The following TMTC1 variants were observed in gnomAD, a reference collection of about 807,000 sequenced individuals.
TMTC1 encodes transmembrane O-mannosyltransferase targeting cadherins 1, also known as protein O-mannosyl-transferase TMTC1.
A neutral mutation model predicts 104.8 loss-of-function variants in TMTC1; 73 were observed. That is an observed-to-expected ratio of 0.70 (90% confidence interval 0.58 to 0.85). The LOEUF (loss-of-function observed/expected upper bound fraction) is 0.85. Ranked by LOEUF, TMTC1 falls within the 40% of genes least tolerant of loss-of-function variation. The pLI is 0.00. For synonymous variants in TMTC1, 434 were observed against 428.7 expected (o/e 1.01, Z -0.15); for missense variants, 1,035 against 1,096.1 (o/e 0.94, Z 0.79).
chr12:29,611,177 C>CTT lies in TMTC1; in HGVS notation c.1129-6880_1129-6879dup, dbSNP rs1555176122. ...ATTTCTGGTCTTTGGTTCTGAACTT[C>CTT]TTTTTTTTTTTTTTTTTGCACAGAG... On this transcript the variant is annotated intron_variant, in intron 6 of 17. Transcript: ENST00000539277. 1.3e-3 allele frequency among the ~76,000 whole-genome samples: 175 copies of CTT among 130,160 alleles called. 2 individuals are homozygous for CTT. The South Asian group carries it at 0.026, about 20-fold the overall frequency. 85.4% of individuals were successfully genotyped at this position (130,160 alleles called of 152,430 possible). A position where few individuals can be genotyped will look rare whatever the true frequency, so the allele number is the denominator to read the frequency against.
At chr12:29,742,998 C>T (rs551530038) in intron 5 of TMTC1, among the ~76,000 whole-genome samples, 4 of 152,284 alleles carry the variant, frequency 2.6e-5, no homozygotes, top group South Asian at 2.1e-4. Flanking sequence ...CATTGGCTTT[C>T]GCATAAAATA....
At chr12:29,759,327 G>A (rs1285128678) in intron 2 of TMTC1, among the ~76,000 whole-genome samples, 1 of 132,630 alleles carries the variant, frequency 7.5e-6, no homozygotes, top group Non-Finnish European at 1.7e-5. Flanking sequence ...AAAACCCTGT[G>A]TCTACAAAAA....
At position 29,738,241 on chromosome 12, in the gene TMTC1, C is replaced by T. The variant is rs560356371; in HGVS notation, c.938+13425G>A. Among the ~76,000 whole-genome samples, 20 of 152,264 alleles carry T rather than the reference C, an allele frequency of 1.3e-4. No homozygotes were observed. In the South Asian group the frequency reaches 2.5e-3, roughly 19 times the overall value. ...AACCCATTTTATGTGACTCCAGAAT[C>T]CATGTACCTAATCCCTGAGCACGCC... is the stretch of plus-strand genomic sequence containing the variant. On this transcript the variant is annotated intron_variant, in intron 5 of 17. Transcript: ENST00000539277.
intron 5 of TMTC1, among the ~76,000 whole-genome samples, chr12:29,691,867 T>C (rs1216519184): frequency 1.4e-5 from 2 of 144,996 alleles, no homozygotes; most frequent in Non-Finnish European, 3.0e-5. Flanking sequence ...GAGGCTCCAA[T>C]GGAGCTACTG....
intron 6 of TMTC1, among the ~76,000 whole-genome samples, chr12:29,623,528 A>G (rs1937788888): frequency 1.3e-5 from 2 of 152,196 alleles, no homozygotes; most frequent in African/African-American, 2.4e-5. Context: ...AATATTAGTA[A>G]AAGAGGCCAG....
chr12:29,725,014 CTTTTTTTTTT>C (rs869135481), intron 5 of TMTC1, among the ~76,000 whole-genome samples: 1 of 90,402 alleles, frequency 1.1e-5, no homozygotes, highest in African/African-American at 4.8e-5. Context: ...CTGCCAAGTT[CTTTTTTTTTT>C]TTTTTTTTTT....
Position 29,692,020 on chromosome 12 carries a change from C to T in TMTC1, c.939-58684G>A, listed in dbSNP as rs1460667150. On this transcript the variant is annotated intron_variant, in intron 5 of 17. Coordinates refer to ENST00000539277, the MANE Select transcript of TMTC1 (RefSeq NM_001193451.2). ...TAATTAATAATAAAAGCACTCTCAG[C>T]TCATGAGCACATTGTGATATAAATG... 1.4e-5 allele frequency among the ~76,000 whole-genome samples: 2 copies of T among 145,144 alleles called. 1 individual carries two copies. Among genetic ancestry groups the T allele is most frequent in the African/African-American group, 5.0e-5 (2 of 39,672 alleles).
chr12:29,646,416 C>T (rs1939270442), intron 5 of TMTC1, among the ~76,000 whole-genome samples: 1 of 151,836 alleles, frequency 6.6e-6, no homozygotes, highest in Admixed American at 6.6e-5. Flanking sequence ...AGAAGTGTTC[C>T]TTTAACTTTC....
chr12:29,770,997 A>G (rs922090032), intron 1 of TMTC1, among the ~76,000 whole-genome samples: 1 of 152,186 alleles, frequency 6.6e-6, no homozygotes, highest in Non-Finnish European at 1.5e-5. Flanking sequence ...CCTGCAAACA[A>G]GACAGCCTAA....
intron 6 of TMTC1, among the ~76,000 whole-genome samples, chr12:29,609,640 T>A (rs1012929165): frequency 2.0e-5 from 3 of 152,214 alleles, no homozygotes; most frequent in Non-Finnish European, 2.9e-5. Flanking sequence ...ATCTGATGGA[T>A]GGGGAACTGA....
At chr12:29,594,110 C>CT (rs1321197808) in intron 7 of TMTC1, among the ~76,000 whole-genome samples, 1 of 152,146 alleles carries the variant, frequency 6.6e-6, no homozygotes, top group Non-Finnish European at 1.5e-5. Flanking sequence ...GCCTGGTTCG[C>CT]GTGGTCTCAA....
At position 29,670,890 on chromosome 12, in the gene TMTC1, G is replaced by A. The variant is rs1350288197; in HGVS notation, c.939-37554C>T. On this transcript the variant is annotated intron_variant, in intron 5 of 17. Coordinates refer to ENST00000539277, the MANE Select transcript of TMTC1 (RefSeq NM_001193451.2). ...AGGTTTCAGTGAGCTAGCTGAGATC[G>A]TGCCACTGCATTCCAGCCTGGGCCA... is the stretch of plus-strand genomic sequence containing the variant. Among the ~76,000 whole-genome samples the A allele has an allele frequency of 1.3e-4, 17 of 135,264 alleles. No homozygotes were observed. The Admixed American group carries it at 1.3e-3, about 11-fold the overall frequency. The allele number at this position is 135,264 out of a possible 152,430, so 88.7% of individuals were successfully genotyped here.
At chr12:29,620,540 A>G (rs66750226) in intron 6 of TMTC1, among the ~76,000 whole-genome samples, 14,860 of 152,274 alleles carry the variant, frequency 0.098, 828 homozygotes, top group Middle Eastern at 0.2. Context: ...TGTATCACAT[A>G]TGGTAAAGCA....
chr12:29,659,774 A>T (rs965488471), intron 5 of TMTC1: 1 of 774,840 alleles, frequency 1.3e-6, no homozygotes, highest in African/African-American at 1.8e-5. Flanking sequence ...TTCTCCCCAC[A>T]TGGAGGATAG....
At chr12:29,772,554 C>T (rs1943618319) in intron 1 of TMTC1, among the ~76,000 whole-genome samples, 1 of 152,196 alleles carries the variant, frequency 6.6e-6, no homozygotes, top group Non-Finnish European at 1.5e-5. Context: ...GCTCACTTCA[C>T]TCACTCTAAG....
At chr12:29,584,341 T>C (rs2136332623) in intron 7 of TMTC1, among the ~76,000 whole-genome samples, 1 of 152,324 alleles carries the variant, frequency 6.6e-6, no homozygotes, top group Middle Eastern at 3.4e-3. Flanking sequence ...CAGAAGAATA[T>C]AAACTTGTAG....
chr12:29,622,089 G>A (rs1937704624), intron 6 of TMTC1, among the ~76,000 whole-genome samples: 1 of 152,140 alleles, frequency 6.6e-6, no homozygotes, highest in African/African-American at 2.4e-5. Context: ...GGTGAAGGGA[G>A]GGGAGAGACA....
At chr12:29,520,849 T>G (rs1944131207) in intron 11 of TMTC1, 129 bp from the exon 12 acceptor site, 8 of 676,328 alleles carry the variant, frequency 1.2e-5, no homozygotes, top group Non-Finnish European at 1.7e-5. Context: ...AACAGGCTAC[T>G]GAGATAAGGC....
intron 5 of TMTC1, among the ~76,000 whole-genome samples, chr12:29,701,643 C>G (rs2136799714): frequency 6.6e-6 from 1 of 152,334 alleles, no homozygotes; most frequent in East Asian, 1.9e-4. Flanking sequence ...CACCTTGTGT[C>G]AGCTTCTTGG....
Sources: gnomAD v4.1 joint callset for allele counts (sites outside exome capture counted in the v4.1 genomes callset) on GRCh38, gnomAD v4.1.1 for gene constraint, MANE v1.5 for transcripts, NCBI Gene and HGNC (gene_info 2026-07-23, HGNC 2026-07-21) for gene names.